TXLNB: variants seen among roughly 807,000 people sequenced by gnomAD.
TXLNB encodes the protein taxilin beta, also known as beta-taxilin.
In TXLNB, 37 loss-of-function variants were observed where a neutral mutation model predicts 57.4. That is an observed-to-expected ratio of 0.64 (90% CI 0.50 to 0.85). The LOEUF (loss-of-function observed/expected upper bound fraction) is 0.85, where lower values mean the gene tolerates loss of function less well. Ranked by LOEUF, TXLNB falls within the 40% of genes least tolerant of loss-of-function variation. The probability of loss-of-function intolerance (pLI) is 0.00; values close to 1 mark genes in which losing one functional copy is unlikely to be tolerated. For missense variants in TXLNB, 848 were observed against 825.6 expected, an observed-to-expected ratio of 1.03 and a Z score of -0.33; for synonymous variants, 302 against 309.6, an observed-to-expected ratio of 0.98 and a Z score of 0.26.
chr6:139,236,538 C>T (rs1388876097), downstream of TXLNB, among the ~76,000 whole-genome samples: 1 of 152,148 alleles, frequency 6.6e-6, no homozygotes, highest in Non-Finnish European at 1.5e-5. Context: ...ATCCTGCTGC[C>T]CTGTGAAGAA....
At chr6:139,237,543 G>A (rs1775850197), downstream of TXLNB, 1 of 149,458 alleles carries the variant, frequency 6.7e-6, no homozygotes, top group Admixed American at 6.7e-5. Context: ...AAAAAGAAAT[G>A]ATGTAATGTG....
the TXLNB span, among the ~76,000 whole-genome samples, chr6:139,306,005 G>A: frequency 6.6e-6 from 1 of 152,126 alleles, no homozygotes; most frequent in Non-Finnish European, 1.5e-5. Context: ...TAGGAAAATA[G>A]CCCTGATTGT....
chr6:139,219,463 C>T, the TXLNB span, among the ~76,000 whole-genome samples: 1 of 152,222 alleles, frequency 6.6e-6, no homozygotes, highest in Non-Finnish European at 1.5e-5. Flanking sequence ...AAATCATCAG[C>T]TCAAAGCAGC....
At chr6:139,179,169 ATC>A in the TXLNB span, 4 of 152,206 alleles carry the variant, frequency 2.6e-5, no homozygotes, top group African/African-American at 9.6e-5. Context: ...TGAATTAACT[ATC>A]TCCTTATTGA....
chr6:139,313,174 G>C, the TXLNB span, among the ~76,000 whole-genome samples: 10 of 151,590 alleles, frequency 6.6e-5, no homozygotes, highest in Non-Finnish European at 1.3e-4. Flanking sequence ...CCGGGTTCAC[G>C]CCATTCTCCT....
At position 139,285,689 on chromosome 6, in the gene TXLNB, T is replaced by C. The variant is rs138316542; in HGVS notation, c.424+2787A>G. Among the ~76,000 whole-genome samples the C allele has an allele frequency of 4.8e-5, 7 of 145,302 alleles. 1 individual carries two copies. The highest frequency in any genetic ancestry group is 4.1e-4 in the Admixed American group (6 of 14,788). On this transcript the variant is annotated intron_variant, in intron 2 of 9. Coordinates refer to ENST00000358430, the MANE Select transcript of TXLNB (RefSeq NM_153235.4). ...GCAATGGGTTTTAGCATCATAGCGA[T>C]ATCTGTAGGAAAATAGCCCCTTGCA... is the stretch of plus-strand genomic sequence containing the variant.
chr6:139,186,872 G>A, the TXLNB span, among the ~76,000 whole-genome samples: 269 of 152,320 alleles, frequency 1.8e-3, 4 homozygotes, highest in African/African-American at 6.1e-3. Context: ...ACTACACCCT[G>A]TATGATTCCA....
the TXLNB span, among the ~76,000 whole-genome samples, chr6:139,192,381 C>A: frequency 6.6e-6 from 1 of 152,184 alleles, no homozygotes; most frequent in African/African-American, 2.4e-5. Flanking sequence ...AAATTGCAAC[C>A]CTTTGGGCTC....
chr6:139,219,703 T>C, the TXLNB span, among the ~76,000 whole-genome samples: 2 of 152,156 alleles, frequency 1.3e-5, no homozygotes, highest in African/African-American at 4.8e-5. Flanking sequence ...CAGGCAGGCC[T>C]TTCCTTCTTA....
At chr6:139,249,455 C>T (rs182872262) in intron 7 of TXLNB, among the ~76,000 whole-genome samples, 343 of 152,236 alleles carry the variant, frequency 2.3e-3, no homozygotes, top group Non-Finnish European at 4.0e-3. Context: ...TTGCAGCATC[C>T]GTCAATAAAC....
the TXLNB span, among the ~76,000 whole-genome samples, chr6:139,310,038 CAGGGGAAA>C: frequency 6.6e-6 from 1 of 152,234 alleles, no homozygotes; most frequent in East Asian, 1.9e-4. Context: ...GACAAGAACA[CAGGGGAAA>C]AGCTTCTTGA....
At chr6:139,291,566 A>G (rs1475455631) in intron 1 of TXLNB, among the ~76,000 whole-genome samples, 1 of 152,228 alleles carries the variant, frequency 6.6e-6, no homozygotes, top group Non-Finnish European at 1.5e-5. Context: ...TCAATTCCCA[A>G]AAGTAGCCTC....
chr6:139,238,852 A>G (rs1775865651), downstream of TXLNB, among the ~76,000 whole-genome samples: 1 of 152,154 alleles, frequency 6.6e-6, no homozygotes, highest in African/African-American at 2.4e-5. Context: ...TTACATTTTA[A>G]ATTATTTTAC....
intron 7 of TXLNB, 136 bp from the exon 8 acceptor site, chr6:139,248,045 G>T: frequency 2.1e-6 from 1 of 486,636 alleles, no homozygotes; most frequent in Non-Finnish European, 3.5e-6. Context: ...ATTAACCTAG[G>T]CCAGTGAGCA....
chr6:139,314,270 T>C, the TXLNB span, among the ~76,000 whole-genome samples: 10 of 152,182 alleles, frequency 6.6e-5, no homozygotes, highest in African/African-American at 2.4e-4. Context: ...ATTTACCATA[T>C]ATTCCTCTGA....
the TXLNB span, among the ~76,000 whole-genome samples, chr6:139,164,384 G>A: frequency 1.3e-5 from 2 of 152,208 alleles, no homozygotes; most frequent in East Asian, 3.9e-4. Context: ...GTATCATGAT[G>A]GGGAAGGTGG....
the TXLNB span, among the ~76,000 whole-genome samples, chr6:139,163,027 C>T: frequency 6.6e-6 from 1 of 152,204 alleles, no homozygotes; most frequent in African/African-American, 2.4e-5. Flanking sequence ...TACCTCTGAC[C>T]TGCCCTCCAT....
the TXLNB span, among the ~76,000 whole-genome samples, chr6:139,314,164 C>T: frequency 1.4e-4 from 21 of 152,182 alleles, no homozygotes; most frequent in African/African-American, 4.6e-4. Flanking sequence ...GGAAAATCTA[C>T]ATTCTGTAGA....
intron 7 of TXLNB, among the ~76,000 whole-genome samples, chr6:139,255,068 C>T (rs1296692576): frequency 1.3e-5 from 2 of 152,176 alleles, no homozygotes; most frequent in East Asian, 3.9e-4. Context: ...GCGATCCGCC[C>T]GCCTGGGCCT....
Sources: gnomAD v4.1 joint callset for allele counts (sites outside exome capture counted in the v4.1 genomes callset) on GRCh38, gnomAD v4.1.1 for gene constraint, MANE v1.5 for transcripts, NCBI Gene and HGNC (gene_info 2026-07-23, HGNC 2026-07-21) for gene names.